PAIP2B: variants seen among roughly 807,000 people sequenced by gnomAD.
PAIP2B encodes poly(A) binding protein interacting protein 2B, also known as polyadenylate-binding protein-interacting protein 2B.
A neutral mutation model predicts 17.0 loss-of-function variants in PAIP2B; 13 were observed. That is an observed-to-expected ratio of 0.76 (90% confidence interval 0.50 to 1.22). The LOEUF (loss-of-function observed/expected upper bound fraction) is 1.22. Among genes scored for constraint, PAIP2B ranks in the 50% most tolerant of loss-of-function variants. The pLI is 0.00. For missense variants in PAIP2B, 117 were observed against 144.5 expected (o/e 0.81, Z 0.98); for synonymous variants, 43 against 48.7 (o/e 0.88, Z 0.48).
At chr2:71,194,459 T>TTGTGTGTG (rs141924993) in intron 2 of PAIP2B, among the ~76,000 whole-genome samples, 2,765 of 143,426 alleles carry the variant, frequency 0.019, 41 homozygotes, top group African/African-American at 0.038. Flanking sequence ...TATTCCTAGG[T>TTGTGTGTG]TGTGTGTGTG....
intron 1 of PAIP2B, among the ~76,000 whole-genome samples, chr2:71,210,051 C>T (rs1384746987): frequency 6.6e-6 from 1 of 152,148 alleles, no homozygotes. Context: ...GTCTCAATCT[C>T]CTGACCTCGT....
At chr2:71,201,825 A>G (rs12995154) in intron 2 of PAIP2B, among the ~76,000 whole-genome samples, 10,147 of 152,292 alleles carry the variant, frequency 0.067, 374 homozygotes, top group African/African-American at 0.093. Context: ...CTGTTCAAGC[A>G]ATTAATTTCA....
chr2:71,217,368 C>T (rs976379528), intron 1 of PAIP2B, among the ~76,000 whole-genome samples: 9 of 152,184 alleles, frequency 5.9e-5, no homozygotes, highest in Non-Finnish European at 1.0e-4. Context: ...GTCTCAAACT[C>T]CTGACCTCAG....
intron 3 of PAIP2B, 90 bp from the exon 4 acceptor site, chr2:71,188,625 CTTT>C: frequency 9.1e-7 from 1 of 1,097,532 alleles, no homozygotes; most frequent in Non-Finnish European, 1.3e-6. Flanking sequence ...TTCCCCTTAG[CTTT>C]AGGGAGAGAA....
At chr2:71,224,525 G>T (rs929390240) in intron 1 of PAIP2B, among the ~76,000 whole-genome samples, 1 of 152,130 alleles carries the variant, frequency 6.6e-6, no homozygotes, top group Admixed American at 6.5e-5. Flanking sequence ...TGAAGAAACA[G>T]AATTTCACCA....
chr2:71,205,699 G>C (rs929373029), intron 1 of PAIP2B, among the ~76,000 whole-genome samples: 6 of 152,120 alleles, frequency 3.9e-5, no homozygotes, highest in African/African-American at 1.4e-4. Context: ...TGTTTCTCTA[G>C]TCATTCCATT....
In PAIP2B at chr2:71,208,423, A is replaced by AC. The variant is rs765740494; in HGVS notation, c.-11-5824dup. Among the ~76,000 whole-genome samples the AC allele has an allele frequency of 0.05, 7,528 of 150,054 alleles. 891 individuals are homozygous for AC. In the East Asian group the frequency reaches 0.55, roughly 11 times the overall value. On this transcript the variant is annotated intron_variant, in intron 1 of 3. Coordinates refer to ENST00000244221, the MANE Select transcript of PAIP2B (RefSeq NM_020459.1). ...GGGTGATGGAGCGAGACTCCATTTC[A>AC]CCCCCCCAAAAAAAAAAGTCAAGTA...
chr2:71,195,079 T>A (rs1372373868), intron 2 of PAIP2B, among the ~76,000 whole-genome samples: 1 of 152,210 alleles, frequency 6.6e-6, no homozygotes, highest in Non-Finnish European at 1.5e-5. Context: ...GGATGAAGCC[T>A]ACTTAATCAT....
intron 2 of PAIP2B, among the ~76,000 whole-genome samples, chr2:71,197,394 G>A (rs182669730): frequency 3.9e-5 from 6 of 152,336 alleles, no homozygotes; most frequent in African/African-American, 1.2e-4. Flanking sequence ...CTGTTAGCCT[G>A]ATAGGGATCT....
chr2:71,208,058 C>G (rs1014383878), intron 1 of PAIP2B, among the ~76,000 whole-genome samples: 6 of 151,982 alleles, frequency 3.9e-5, no homozygotes, highest in Non-Finnish European at 8.8e-5. Context: ...AAGATACTGC[C>G]TATGGAGAAA....
At chr2:71,225,307 A>C (rs897126406) in intron 1 of PAIP2B, among the ~76,000 whole-genome samples, 2 of 152,220 alleles carry the variant, frequency 1.3e-5, no homozygotes, top group African/African-American at 4.8e-5. Context: ...TACAAGATAC[A>C]ATTTTACCAC....
chr2:71,212,281 A>G (rs1675321095), intron 1 of PAIP2B, among the ~76,000 whole-genome samples: 1 of 152,106 alleles, frequency 6.6e-6, no homozygotes, highest in Non-Finnish European at 1.5e-5. Context: ...TCCATCTCAC[A>G]TTTGATTGTA....
chr2:71,216,925 G>A (rs1675443609), intron 1 of PAIP2B, among the ~76,000 whole-genome samples: 1 of 152,074 alleles, frequency 6.6e-6, no homozygotes, highest in Non-Finnish European at 1.5e-5. Flanking sequence ...GGCAATCAGA[G>A]ACTTAGTCTA....
intron 1 of PAIP2B, among the ~76,000 whole-genome samples, chr2:71,211,235 G>A (rs1675288868): frequency 6.6e-6 from 1 of 151,546 alleles, no homozygotes; most frequent in Non-Finnish European, 1.5e-5. Context: ...CTCCAGCCTA[G>A]GGGACAAAAG....
intron 2 of PAIP2B, among the ~76,000 whole-genome samples, chr2:71,201,100 C>T (rs1038942968): frequency 2.0e-5 from 3 of 150,928 alleles, no homozygotes; most frequent in Non-Finnish European, 4.4e-5. Context: ...TTCCATGTAC[C>T]TTGTCTCTGA....
intron 1 of PAIP2B, among the ~76,000 whole-genome samples, chr2:71,226,571 T>G (rs1473595782): frequency 6.6e-6 from 1 of 151,466 alleles, no homozygotes; most frequent in African/African-American, 2.4e-5. Context: ...TTGTTGCACC[T>G]GGGTAGAAAT....
chr2:71,201,252 T>C (rs1485570798), intron 2 of PAIP2B, among the ~76,000 whole-genome samples: 1 of 152,216 alleles, frequency 6.6e-6, no homozygotes, highest in African/African-American at 2.4e-5. Flanking sequence ...AATTGTTTTA[T>C]GTTTTCAACA....
At chr2:71,191,564 T>C (rs990708441) in intron 2 of PAIP2B, among the ~76,000 whole-genome samples, 11 of 152,248 alleles carry the variant, frequency 7.2e-5, no homozygotes, top group African/African-American at 2.7e-4. Context: ...CTTGTTTCCT[T>C]CTTCCCAGAG....
intron 2 of PAIP2B, among the ~76,000 whole-genome samples, chr2:71,201,011 GTGTGTGTGTGT>G (rs1674969086): frequency 2.7e-4 from 2 of 7,518 alleles, no homozygotes; most frequent in African/African-American, 7.7e-4. Flanking sequence ...GTGTGTGGGT[GTGTGTGTGTGT>G]GTGTGTGTGT....
Sources: allele counts gnomAD v4.1 joint callset (sites outside exome capture counted in the v4.1 genomes callset), GRCh38; gene constraint gnomAD v4.1.1; transcripts MANE v1.5; gene names NCBI Gene and HGNC (gene_info 2026-07-23, HGNC 2026-07-21).